Variants in LRRIQ1 observed in about 807,000 individuals in gnomAD.
LRRIQ1 encodes the protein leucine-rich repeat- and IQ domain-containing protein 1.
LRRIQ1 carries 210 observed loss-of-function variants against 211.9 expected under a neutral mutation model. The ratio of observed to expected loss-of-function variants is 0.99; its 90% confidence interval spans 0.89 to 1.11. The LOEUF (loss-of-function observed/expected upper bound fraction) is 1.11, where lower values mean the gene tolerates loss of function less well. Ranked by LOEUF, LRRIQ1 falls within the 50% of genes most tolerant of loss-of-function variation. The probability of loss-of-function intolerance (pLI) is 0.00; values close to 1 mark genes in which losing one functional copy is unlikely to be tolerated. For missense variants in LRRIQ1, 2,136 were observed against 1,939.5 expected (o/e 1.10, Z -1.90); for synonymous variants, 699 against 650.1 (o/e 1.08, Z -1.14).
chr12:85,131,871 A>G (rs1047246433), intron 18 of LRRIQ1, among the ~76,000 whole-genome samples: 1 of 152,176 alleles, frequency 6.6e-6, no homozygotes, highest in African/African-American at 2.4e-5. Flanking sequence ...CTAGGATAAA[A>G]ATGTGACTTA....
chr12:85,171,122 T>C (rs918917689), intron 24 of LRRIQ1, among the ~76,000 whole-genome samples: 2 of 152,038 alleles, frequency 1.3e-5, no homozygotes, highest in Non-Finnish European at 2.9e-5. Flanking sequence ...GTACATAATA[T>C]CTTTGAGGAT....
chr12:85,056,593 A>G lies in LRRIQ1; in HGVS notation c.1800A>G (p.Lys600=). The G allele has an allele frequency of 6.3e-7, 1 of 1,593,714 alleles. No individual in the cohort carries two copies. Among genetic ancestry groups the G allele is most frequent in the Non-Finnish European group, 8.5e-7 (1 of 1,171,442 alleles). Residue 600 remains lysine, a synonymous_variant, in exon 8 of 27, where the codon AAA becomes AAG. Coordinates refer to ENST00000393217, the MANE Select transcript of LRRIQ1 (RefSeq NM_001079910.2). ...EIQEQNGLLY[K]DKDTLVISVK... is the part of the protein sequence containing the mutation. ...AAGAACAGAATGGATTATTATATAA[A>G]GATAAGGATACTTTAGTTATTTCAG... is the stretch of plus-strand genomic sequence containing the variant.
At chr12:85,233,436 G>A (rs1344030284) in intron 26 of LRRIQ1, among the ~76,000 whole-genome samples, 1 of 152,062 alleles carries the variant, frequency 6.6e-6, no homozygotes, top group African/African-American at 2.4e-5. Flanking sequence ...TTTGGTAGGT[G>A]AAAATGGATG....
rs1428107031 is a variant in LRRIQ1, at chr12:85,138,017, G to A, written c.4329+48G>A. Reference sequence around the variant, plus strand: ...AAATATTGGTCTTAAAATACATTAAGTGTACTATTTTGAAGATAAACCAGT... The same window carrying A: ...AAATATTGGTCTTAAAATACATTAAATGTACTATTTTGAAGATAAACCAGT... On this transcript the variant is annotated intron_variant, in intron 19 of 26. Transcript: ENST00000393217. 18 of 1,076,828 alleles carry A rather than the reference G, an allele frequency of 1.7e-5. No individual in the cohort carries two copies. The East Asian group carries it at 4.5e-4, about 27-fold the overall frequency. The allele number at this position is 1,076,828 out of a possible 1,614,324, so 66.7% of individuals were successfully genotyped here. A position where few individuals can be genotyped will look rare whatever the true frequency, so the allele number is the denominator to read the frequency against.
Position 85,153,774 on chromosome 12 carries a change from G to A in LRRIQ1, c.4637+16G>A. 7.0e-7 allele frequency: 1 copy of A among 1,431,300 alleles called. No homozygotes were observed. The highest frequency in any genetic ancestry group is 9.5e-7 in the Non-Finnish European group (1 of 1,056,394). 88.7% of individuals were successfully genotyped at this position (1,431,300 alleles called of 1,614,324 possible). A position where few individuals can be genotyped will look rare whatever the true frequency, so the allele number is the denominator to read the frequency against. On this transcript the variant is annotated intron_variant, in intron 22 of 26. Transcript: ENST00000393217. ...CAGAAGAATGGTATGTAGTCAATTT[G>A]ACACTAATAAATTAAAAAATTGAGA...
intron 24 of LRRIQ1, among the ~76,000 whole-genome samples, chr12:85,184,471 T>G (rs960223916): frequency 7.9e-5 from 12 of 152,064 alleles, no homozygotes; most frequent in African/African-American, 2.4e-4. Context: ...GTATGTGTAT[T>G]TGTCTGTATG....
chr12:85,269,925 A>T, the LRRIQ1 span, among the ~76,000 whole-genome samples: 1 of 151,904 alleles, frequency 6.6e-6, no homozygotes, highest in Non-Finnish European at 1.5e-5. Flanking sequence ...TGGGTTCTTG[A>T]TTAGGGCCTT....
At chr12:85,216,700 TG>T (rs1894107390) in intron 24 of LRRIQ1, among the ~76,000 whole-genome samples, 1 of 151,956 alleles carries the variant, frequency 6.6e-6, no homozygotes, top group Non-Finnish European at 1.5e-5. Context: ...TATTCCTACC[TG>T]TATTGACTCA....
At chr12:85,258,011 ATAT>A (rs1896171609) in intron 1 of LRRIQ1, among the ~76,000 whole-genome samples, 1 of 151,882 alleles carries the variant, frequency 6.6e-6, no homozygotes, top group Admixed American at 6.6e-5. Context: ...TGCATGGTAG[ATAT>A]TATAAAAGGT....
At chr12:85,256,840 C>A (rs1896109561) in intron 1 of LRRIQ1, among the ~76,000 whole-genome samples, 1 of 149,602 alleles carries the variant, frequency 6.7e-6, no homozygotes, top group Non-Finnish European at 1.5e-5. Flanking sequence ...TTTTCAAAGA[C>A]TAAAAGTGAT....
chr12:85,132,856 T>G (rs1888867896), intron 18 of LRRIQ1, among the ~76,000 whole-genome samples: 1 of 152,048 alleles, frequency 6.6e-6, no homozygotes, highest in African/African-American at 2.4e-5. Context: ...ATAGTGTTAT[T>G]TATCTCTGTG....
At chr12:85,271,286 A>C in the LRRIQ1 span, among the ~76,000 whole-genome samples, 1 of 152,166 alleles carries the variant, frequency 6.6e-6, no homozygotes, top group Non-Finnish European at 1.5e-5. Context: ...TGAAATTTTG[A>C]GAATCAGCCA....
At position 85,121,788 on chromosome 12, in the gene LRRIQ1, C is replaced by A; in HGVS notation, c.3469C>A (p.Gln1157Lys). The change falls in exon 16 of 27, where the codon CAA becomes AAA. Residue 1157 changes from glutamine to lysine, a missense_variant. Transcript: ENST00000393217. ...AGAAAGCCGCACTGAAGAACACAAT[C>A]AACTGGGATCAGCAGGTTTCCTGGC... ...NSESRTEEHN[Q>K]LGSAGFLALC... The A allele has an allele frequency of 2.5e-6, 4 of 1,608,510 alleles. No homozygotes were observed. Among genetic ancestry groups the A allele is most frequent in the Non-Finnish European group, 3.4e-6 (4 of 1,177,364 alleles).
At chr12:85,266,645 C>A (rs966266814), downstream of LRRIQ1, among the ~76,000 whole-genome samples, 3 of 152,098 alleles carry the variant, frequency 2.0e-5, no homozygotes. Flanking sequence ...TCTGGAATAG[C>A]CACCTGTAGG....
chr12:85,168,306 A>T (rs1405242162), intron 24 of LRRIQ1, among the ~76,000 whole-genome samples: 2 of 152,016 alleles, frequency 1.3e-5, no homozygotes, highest in South Asian at 2.1e-4. Context: ...ACCCTAAGGG[A>T]TCTCCTGTCC....
rs1303911195 is a variant in LRRIQ1, at chr12:85,056,630, T to A, written c.1837T>A (p.Ser613Thr). ...DTLVISVKQR[S>T]LSLTSENSKD... ...TTTAGTTATTTCAGTGAAACAAAGA[T>A]CACTCTCACTAACATCAGAAAATTC... is the stretch of plus-strand genomic sequence containing the variant. The change falls in exon 8 of 27, where the codon TCA (serine) becomes ACA (threonine). Residue 613 changes from serine (S) to threonine (T), a missense_variant. By Grantham distance (58) the Ser-to-Thr change is moderately conservative (BLOSUM62 1). Transcript: ENST00000393217. The A allele has an allele frequency of 1.3e-6, 2 of 1,596,042 alleles. No individual in the cohort carries two copies. The highest frequency in any genetic ancestry group is 1.7e-6 in the Non-Finnish European group (2 of 1,173,032).
intron 23 of LRRIQ1, among the ~76,000 whole-genome samples, chr12:85,157,016 GTA>G (rs1285428823): frequency 1.7e-4 from 26 of 151,860 alleles, no homozygotes; most frequent in African/African-American, 5.5e-4. Flanking sequence ...TTTGTATTTT[GTA>G]CATGTTTTTA....
At chr12:85,252,061 T>G (rs776596634) in intron 1 of LRRIQ1, among the ~76,000 whole-genome samples, 2 of 151,946 alleles carry the variant, frequency 1.3e-5, no homozygotes, top group Non-Finnish European at 2.9e-5. Flanking sequence ...TCTTAATATT[T>G]TCTTTAAATG....
chr12:85,183,437 G>A (rs934084639), intron 24 of LRRIQ1, among the ~76,000 whole-genome samples: 1 of 151,862 alleles, frequency 6.6e-6, no homozygotes, highest in African/African-American at 2.4e-5. Flanking sequence ...CAACTAAACT[G>A]ATCTTATGCC....
Sources: gnomAD v4.1 joint callset for allele counts (sites outside exome capture counted in the v4.1 genomes callset) on GRCh38, gnomAD v4.1.1 for gene constraint, MANE v1.5 for transcripts, NCBI Gene and HGNC (gene_info 2026-07-23, HGNC 2026-07-21) for gene names.